The following FAM193A variants were observed in gnomAD, a reference collection of about 807,000 sequenced individuals.
FAM193A encodes protein FAM193A.
In FAM193A, 22 loss-of-function variants were observed where a neutral mutation model predicts 126.5. The observed-to-expected ratio is 0.17, with a 90% CI of 0.12 to 0.25. The LOEUF (loss-of-function observed/expected upper bound fraction) is 0.25, where lower values mean the gene tolerates loss of function less well. Ranked by LOEUF, FAM193A falls within the 10% of genes least tolerant of loss-of-function variation. FAM193A has a pLI of 1.00. For synonymous variants in FAM193A, 761 were observed against 646.8 expected (o/e 1.18, Z -2.68); for missense variants, 1,675 against 1,672.8 (o/e 1.00, Z -0.02).
At chr4:2,699,546 T>C in intron 18 of FAM193A, 134 bp from the exon 19 acceptor site, 1 of 817,186 alleles carries the variant, frequency 1.2e-6, no homozygotes, top group Non-Finnish European at 1.9e-6. Flanking sequence ...GTGTGTTAAG[T>C]TTTGATTTAT....
chr4:2,580,011 G>C (rs1739828219), intron 1 of FAM193A, among the ~76,000 whole-genome samples: 1 of 152,074 alleles, frequency 6.6e-6, no homozygotes, highest in South Asian at 2.1e-4. Flanking sequence ...CACAATAGCA[G>C]AGACATGGAA....
intron 1 of FAM193A, among the ~76,000 whole-genome samples, chr4:2,550,993 G>C (rs1009581273): frequency 6.6e-6 from 1 of 151,792 alleles, no homozygotes; most frequent in Admixed American, 6.6e-5. Context: ...GTAGAGATGG[G>C]GTTTCACCAT....
chr4:2,604,262 T>G (rs1243262588), intron 2 of FAM193A, among the ~76,000 whole-genome samples: 1 of 152,224 alleles, frequency 6.6e-6, no homozygotes, highest in Non-Finnish European at 1.5e-5. Flanking sequence ...CTAGTTCTAA[T>G]ACATAGTTAC....
chr4:2,710,331 C>T (rs1166243654), intron 19 of FAM193A, among the ~76,000 whole-genome samples: 4 of 151,364 alleles, frequency 2.6e-5, no homozygotes, highest in South Asian at 2.1e-4. Context: ...CGTGTTACTA[C>T]GCCTGGCTAA....
At chr4:2,563,535 C>CA (rs1218863018) in intron 1 of FAM193A, among the ~76,000 whole-genome samples, 153 of 123,870 alleles carry the variant, frequency 1.2e-3, no homozygotes, top group African/African-American at 4.2e-3. Context: ...CAAAAAAAAA[C>CA]AAAAAAAAAA....
intron 19 of FAM193A, among the ~76,000 whole-genome samples, chr4:2,703,895 C>G (rs1416536963): frequency 6.7e-6 from 1 of 150,224 alleles, no homozygotes; most frequent in Non-Finnish European, 1.5e-5. Context: ...TCGCTGGAGC[C>G]CAGGAGTTTG....
chr4:2,699,591 T>C, intron 18 of FAM193A, 89 bp from the exon 19 acceptor site: 1 of 1,308,574 alleles, frequency 7.6e-7, no homozygotes, highest in Non-Finnish European at 1.1e-6. Flanking sequence ...CCATATGTGA[T>C]TCGTTTTTGA....
intron 1 of FAM193A, among the ~76,000 whole-genome samples, chr4:2,547,941 A>T (rs774080820): frequency 6.6e-6 from 1 of 151,448 alleles, no homozygotes; most frequent in Non-Finnish European, 1.5e-5. Context: ...TATTTTAATA[A>T]ATAGGTCTGT....
At chr4:2,665,845 G>A (rs1290932) in intron 12 of FAM193A, among the ~76,000 whole-genome samples, 117,828 of 151,984 alleles carry the variant, frequency 0.78, 45,786 homozygotes, top group Middle Eastern at 0.86. Flanking sequence ...TTTAATTTCA[G>A]TTTCTTTTTC....
At chr4:2,710,668 A>G (rs1011929076) in intron 19 of FAM193A, among the ~76,000 whole-genome samples, 2 of 150,998 alleles carry the variant, frequency 1.3e-5, no homozygotes, top group African/African-American at 4.9e-5. Flanking sequence ...ACACTCGGCT[A>G]ATTTTTTTGT....
intron 19 of FAM193A, among the ~76,000 whole-genome samples, chr4:2,703,536 C>T (rs1487461349): frequency 1.3e-5 from 2 of 152,150 alleles, no homozygotes; most frequent in African/African-American, 2.4e-5. Context: ...TGTGAGCCAC[C>T]GTGCCCGGAC....
chr4:2,660,102 G>A (rs755992082), intron 10 of FAM193A, 48 bp downstream of exon 10: 6 of 1,591,520 alleles, frequency 3.8e-6, no homozygotes, highest in South Asian at 3.4e-5. Context: ...AGTCGCCCCA[G>A]TAATGAGAAA....
intron 20 of FAM193A, among the ~76,000 whole-genome samples, chr4:2,725,901 A>T (rs1411205033): frequency 2.7e-5 from 4 of 150,094 alleles, no homozygotes; most frequent in African/African-American, 7.4e-5. Context: ...TTTTTATTTT[A>T]TTATTATTAT....
chr4:2,584,615 T>C (rs1017232107), intron 1 of FAM193A, among the ~76,000 whole-genome samples: 2 of 152,120 alleles, frequency 1.3e-5, no homozygotes, highest in Admixed American at 1.3e-4. Context: ...TACAGTTTCC[T>C]TTCTTTTCCT....
intron 1 of FAM193A, among the ~76,000 whole-genome samples, chr4:2,582,080 C>G (rs1255638670): frequency 6.6e-6 from 1 of 152,092 alleles, no homozygotes; most frequent in Non-Finnish European, 1.5e-5. Flanking sequence ...AAGAATCCTG[C>G]TGTAATTGTT....
In FAM193A at chr4:2,715,080, T is replaced by A. The variant is rs532909884; in HGVS notation, c.4373-943T>A. ...GTCTAGGAAATTGAGTAATTCTCAA[T>A]CAATGATTTCCCTGCTATCCTGCCT... On this transcript the variant is annotated intron_variant, in intron 19 of 20. Coordinates refer to ENST00000637812, the MANE Select transcript of FAM193A (RefSeq NM_001366318.2). 2.0e-5 allele frequency among the ~76,000 whole-genome samples: 3 copies of A among 152,234 alleles called. 1 individual carries two copies. In the South Asian group the frequency reaches 6.2e-4, roughly 32 times the overall value.
intron 1 of FAM193A, among the ~76,000 whole-genome samples, chr4:2,552,428 G>C (rs2108822799): frequency 6.6e-6 from 1 of 152,266 alleles, no homozygotes; most frequent in African/African-American, 2.4e-5. Flanking sequence ...TGGGATTATA[G>C]GCGTGAGCCA....
chr4:2,638,304 C>T (rs1302701538), intron 5 of FAM193A, among the ~76,000 whole-genome samples: 1 of 152,240 alleles, frequency 6.6e-6, no homozygotes, highest in Non-Finnish European at 1.5e-5. Flanking sequence ...GTCCTCGTAC[C>T]TGGCACAGGG....
chr4:2,668,104 T>C (rs1205994497), intron 12 of FAM193A, among the ~76,000 whole-genome samples: 1 of 152,114 alleles, frequency 6.6e-6, no homozygotes, highest in Non-Finnish European at 1.5e-5. Context: ...AAGGTCTCCC[T>C]GTGTTGCCCA....
Sources: allele counts gnomAD v4.1 joint callset (sites outside exome capture counted in the v4.1 genomes callset), GRCh38; gene constraint gnomAD v4.1.1; transcripts MANE v1.5; gene names NCBI Gene and HGNC (gene_info 2026-07-23, HGNC 2026-07-21).